The following TRIM71 variants were observed in gnomAD, a reference collection of about 807,000 sequenced individuals.
The protein encoded by TRIM71 is tripartite motif containing 71.
TRIM71 carries 9 observed loss-of-function variants against 61.2 expected under a neutral mutation model. That is an observed-to-expected ratio of 0.15 (90% CI 0.09 to 0.26). The LOEUF is 0.26. Among genes scored for constraint, TRIM71 ranks in the 10% least tolerant of loss-of-function variants. TRIM71 has a pLI of 1.00. For missense variants in TRIM71, 998 were observed against 1,238.7 expected (o/e 0.81, Z 2.92); for synonymous variants, 645 against 553.2 (o/e 1.17, Z -2.33).
At chr3:32,850,878 C>T (rs1696531044) in intron 1 of TRIM71, among the ~76,000 whole-genome samples, 1 of 152,182 alleles carries the variant, frequency 6.6e-6, no homozygotes, top group Non-Finnish European at 1.5e-5. Context: ...CCCGAAATCT[C>T]AAGTCATTCT....
At chr3:32,868,932 T>C (rs187708047) in intron 1 of TRIM71, among the ~76,000 whole-genome samples, 1 of 152,316 alleles carries the variant, frequency 6.6e-6, no homozygotes, top group Non-Finnish European at 1.5e-5. Context: ...TGGCCAGGGC[T>C]ACAGGAGAGG....
At chr3:32,880,356 G>A (rs1696895862) in intron 2 of TRIM71, among the ~76,000 whole-genome samples, 2 of 152,180 alleles carry the variant, frequency 1.3e-5, no homozygotes. Flanking sequence ...AGATCAGTTT[G>A]TGTGATTGTT....
At chr3:32,889,978 C>T (rs1169084861) in intron 3 of TRIM71, among the ~76,000 whole-genome samples, 1 of 151,164 alleles carries the variant, frequency 6.6e-6, no homozygotes, top group Admixed American at 6.6e-5. Context: ...AATGCCTTTA[C>T]CCCTAATCAC....
chr3:32,828,241 C>T (rs1696226199), intron 1 of TRIM71, among the ~76,000 whole-genome samples: 1 of 151,802 alleles, frequency 6.6e-6, no homozygotes, highest in Non-Finnish European at 1.5e-5. Context: ...AAAATGCTTC[C>T]AGAAATGTTG....
At chr3:32,855,909 C>T (rs961711550) in intron 1 of TRIM71, among the ~76,000 whole-genome samples, 4 of 152,224 alleles carry the variant, frequency 2.6e-5, no homozygotes, top group Non-Finnish European at 5.9e-5. Context: ...CTACAGGCAC[C>T]ATCTGAGCAG....
chr3:32,866,125 A>G (rs1696733790), intron 1 of TRIM71, among the ~76,000 whole-genome samples: 1 of 150,074 alleles, frequency 6.7e-6, no homozygotes. Context: ...CATGTACAAC[A>G]TGACTTACTT....
intron 2 of TRIM71, among the ~76,000 whole-genome samples, chr3:32,877,918 C>T (rs960517007): frequency 1.3e-5 from 2 of 152,152 alleles, no homozygotes; most frequent in African/African-American, 4.8e-5. Flanking sequence ...TTGACCTCTA[C>T]CTATGAATCA....
At chr3:32,878,984 T>C (rs1391092904) in intron 2 of TRIM71, among the ~76,000 whole-genome samples, 2 of 152,280 alleles carry the variant, frequency 1.3e-5, no homozygotes, top group East Asian at 3.8e-4. Flanking sequence ...TTTAGCTGTC[T>C]TCATCAATTA....
intron 1 of TRIM71, among the ~76,000 whole-genome samples, chr3:32,852,711 C>T (rs576200421): frequency 6.7e-6 from 1 of 148,510 alleles, no homozygotes; most frequent in South Asian, 2.1e-4. Flanking sequence ...CTGAGGATTA[C>T]AGAACTCTAA....
chr3:32,831,077 C>T (rs933965103), intron 1 of TRIM71, among the ~76,000 whole-genome samples: 8 of 152,056 alleles, frequency 5.3e-5, no homozygotes, highest in East Asian at 1.9e-4. Flanking sequence ...GGATTACAGG[C>T]GTGAGCCACT....
At position 32,892,594 on chromosome 3, in the gene TRIM71, A is replaced by G. The variant is rs1697038893; in HGVS notation, c.*783A>G. On this transcript the variant is annotated 3_prime_UTR_variant, in exon 4 of 4. Coordinates refer to ENST00000383763, the MANE Select transcript of TRIM71 (RefSeq NM_001039111.3). The stretch of plus-strand genomic sequence containing the variant: ...GGGAGGGTGTGTGCATGTTTGTTTC[A>G]AAGCCATCTTGCACCCAAGTAGTAA... The G allele has an allele frequency of 6.6e-6, 1 of 152,140 alleles. No homozygotes were observed. The highest frequency in any genetic ancestry group is 2.1e-4 in the South Asian group (1 of 4,826). The allele number at this position is 152,140 out of a possible 1,614,324, so 9.4% of individuals were successfully genotyped here.
At chr3:32,839,749 C>T (rs1278379402) in intron 1 of TRIM71, among the ~76,000 whole-genome samples, 1 of 151,914 alleles carries the variant, frequency 6.6e-6, no homozygotes, top group Non-Finnish European at 1.5e-5. Flanking sequence ...CTAATTCTTC[C>T]CTCATACGTG....
At position 32,888,434 on chromosome 3, in the gene TRIM71, CAAAAAAAAAAAAAAAAAAAAAAAAAA is replaced by C. The variant is rs56834147; in HGVS notation, c.1156-1912_1156-1887del. Among the ~76,000 whole-genome samples, 39 of 95,840 alleles carry C rather than the reference CAAAAAAAAAAAAAAAAAAAAAAAAAA, an allele frequency of 4.1e-4. 2 individuals are homozygous for C. The highest frequency in any genetic ancestry group is 6.9e-4 in the Admixed American group (6 of 8,744). 62.9% of individuals were successfully genotyped at this position (95,840 alleles called of 152,430 possible). A position where few individuals can be genotyped will look rare whatever the true frequency, so the allele number is the denominator to read the frequency against. Reference sequence around the variant, plus strand: ...GGCAACATTAAGACCCCATCTCTACCAAAAAAAAAAAAAAAAAAAAAAAAAAAAAAAAAAAAAAAGGTGCCCTGTGG... The same window carrying C: ...GGCAACATTAAGACCCCATCTCTACCAAAAAAAAAAAAAGGTGCCCTGTGG... On this transcript the variant is annotated intron_variant, in intron 3 of 3. Transcript: ENST00000383763.
chr3:32,881,589 T>G (rs530183484), intron 2 of TRIM71, among the ~76,000 whole-genome samples: 6 of 152,344 alleles, frequency 3.9e-5, no homozygotes, highest in Non-Finnish European at 7.3e-5. Flanking sequence ...ACCCTCAACT[T>G]TTAAATGTTT....
Position 32,893,128 on chromosome 3 carries a change from T to C in TRIM71, c.*1317T>C, listed in dbSNP as rs1697044030. On this transcript the variant is annotated 3_prime_UTR_variant, in exon 4 of 4. Transcript: ENST00000383763. ...CCCACACCCTCTGCTTGGGTCACTT[T>C]TTATAGGATTGTTTGCACCCAGGCC... 1 of 152,086 alleles carries C rather than the reference T, an allele frequency of 6.6e-6. No individual in the cohort carries two copies. The highest frequency in any genetic ancestry group is 1.5e-5 in the Non-Finnish European group (1 of 68,042). 9.4% of individuals were successfully genotyped at this position (152,086 alleles called of 1,614,324 possible). A position where few individuals can be genotyped will look rare whatever the true frequency, so the allele number is the denominator to read the frequency against.
chr3:32,863,038 T>C (rs1431705543), intron 1 of TRIM71, among the ~76,000 whole-genome samples: 3 of 152,060 alleles, frequency 2.0e-5, no homozygotes, highest in Non-Finnish European at 4.4e-5. Flanking sequence ...GCCATTGGAG[T>C]TAACTCATTT....
At chr3:32,864,921 T>A (rs1329743106) in intron 1 of TRIM71, among the ~76,000 whole-genome samples, 1 of 150,760 alleles carries the variant, frequency 6.6e-6, no homozygotes, top group Non-Finnish European at 1.5e-5. Flanking sequence ...AGTGCTAATT[T>A]TAGCTCAACA....
chr3:32,862,231 C>A (rs939054), intron 1 of TRIM71, among the ~76,000 whole-genome samples: 79,373 of 151,932 alleles, frequency 0.52, 21,220 homozygotes, highest in East Asian at 0.85. Flanking sequence ...ATGGAACTTG[C>A]AGAGAGGAGG....
chr3:32,827,777 A>G (rs375094014), intron 1 of TRIM71, among the ~76,000 whole-genome samples: 11 of 152,294 alleles, frequency 7.2e-5, no homozygotes, highest in South Asian at 2.1e-4. Flanking sequence ...TGAGTGGTCA[A>G]TCAGGTCAGG....
Sources: allele counts gnomAD v4.1 joint callset (sites outside exome capture counted in the v4.1 genomes callset), GRCh38; gene constraint gnomAD v4.1.1; transcripts MANE v1.5; gene names NCBI Gene and HGNC (gene_info 2026-07-23, HGNC 2026-07-21).